The following PLCXD3 variants were observed in gnomAD, a reference collection of about 807,000 sequenced individuals.
The protein encoded by PLCXD3 is phosphatidylinositol specific phospholipase C X domain containing 3.
In PLCXD3, 19 loss-of-function variants were observed where a neutral mutation model predicts 25.5. The ratio of observed to expected loss-of-function variants is 0.75; its 90% CI spans 0.52 to 1.09. The LOEUF (loss-of-function observed/expected upper bound fraction) is 1.09, where lower values mean the gene tolerates loss of function less well. Among genes scored for constraint, PLCXD3 ranks in the 50% least tolerant of loss-of-function variants. The pLI, the probability that PLCXD3 is intolerant of heterozygous loss-of-function variation, is 0.00. For synonymous variants in PLCXD3, 174 were observed against 137.6 expected, an observed-to-expected ratio of 1.26 and a Z score of -1.85; for missense variants, 411 against 388.1, an observed-to-expected ratio of 1.06 and a Z score of -0.50.
chr5:41,331,367 T>C (rs1172503919), intron 2 of PLCXD3, among the ~76,000 whole-genome samples: 1 of 152,114 alleles, frequency 6.6e-6, no homozygotes, highest in Non-Finnish European at 1.5e-5. Context: ...ATAAAATACC[T>C]AGGAATCCAA....
At chr5:41,330,898 C>A (rs1743781775) in intron 2 of PLCXD3, among the ~76,000 whole-genome samples, 1 of 152,176 alleles carries the variant, frequency 6.6e-6, no homozygotes, top group Non-Finnish European at 1.5e-5. Context: ...TTCAACAACC[C>A]TTCATGCTAA....
intron 1 of PLCXD3, among the ~76,000 whole-genome samples, chr5:41,451,712 C>A (rs1181214977): frequency 6.6e-6 from 1 of 151,568 alleles, no homozygotes; most frequent in Non-Finnish European, 1.5e-5. Flanking sequence ...AACTCACCTA[C>A]TGAAAGACAT....
chr5:41,490,024 G>C (rs1748619364), intron 1 of PLCXD3, among the ~76,000 whole-genome samples: 1 of 151,876 alleles, frequency 6.6e-6, no homozygotes, highest in South Asian at 2.1e-4. Flanking sequence ...GTTTTCAAAG[G>C]GAATGCTTCC....
At chr5:41,456,818 A>G (rs1023477818) in intron 1 of PLCXD3, among the ~76,000 whole-genome samples, 1 of 151,864 alleles carries the variant, frequency 6.6e-6, no homozygotes, top group Non-Finnish European at 1.5e-5. Context: ...ACCAAACACC[A>G]AATCTGCCAG....
At chr5:41,392,979 T>G (rs890555037) in intron 1 of PLCXD3, among the ~76,000 whole-genome samples, 4 of 152,068 alleles carry the variant, frequency 2.6e-5, no homozygotes, top group African/African-American at 9.7e-5. Context: ...AATAAATAAC[T>G]AGTGAGTTTG....
At chr5:41,415,894 G>A (rs890327355) in intron 1 of PLCXD3, among the ~76,000 whole-genome samples, 2 of 152,130 alleles carry the variant, frequency 1.3e-5, no homozygotes, top group African/African-American at 4.8e-5. Context: ...TGTGTGGATA[G>A]GATGTAGGGA....
chr5:41,315,414 GA>G (rs59167185), intron 2 of PLCXD3, among the ~76,000 whole-genome samples: 1,967 of 142,470 alleles, frequency 0.014, 30 homozygotes, highest in African/African-American at 0.044. Flanking sequence ...ATGTTAAAGA[GA>G]AAAAAAAAAA....
intron 1 of PLCXD3, among the ~76,000 whole-genome samples, chr5:41,482,217 T>G (rs975705748): frequency 6.6e-6 from 1 of 152,144 alleles, no homozygotes; most frequent in Non-Finnish European, 1.5e-5. Context: ...TAATCTAGCT[T>G]GTTTATCTCC....
At chr5:41,428,722 TA>T (rs1294949870) in intron 1 of PLCXD3, among the ~76,000 whole-genome samples, 3 of 152,168 alleles carry the variant, frequency 2.0e-5, no homozygotes, top group African/African-American at 7.2e-5. Flanking sequence ...TTTCAACTTT[TA>T]AAATCAGTCC....
chr5:41,460,292 T>C (rs889543551), intron 1 of PLCXD3, among the ~76,000 whole-genome samples: 2 of 151,930 alleles, frequency 1.3e-5, no homozygotes, highest in African/African-American at 4.8e-5. Context: ...ATCCTTTACC[T>C]TTGATCCTGT....
chr5:41,460,000 T>A (rs140435692), intron 1 of PLCXD3, among the ~76,000 whole-genome samples: 1 of 152,014 alleles, frequency 6.6e-6, no homozygotes, highest in East Asian at 1.9e-4. Flanking sequence ...AACCACAGAT[T>A]AAGATCATGT....
At chr5:41,470,948 T>G (rs117880348) in intron 1 of PLCXD3, among the ~76,000 whole-genome samples, 1 of 152,100 alleles carries the variant, frequency 6.6e-6, no homozygotes, top group Non-Finnish European at 1.5e-5. Flanking sequence ...GTTAAAGTGA[T>G]GAAAACAAAT....
chr5:41,468,880 G>A (rs1748085688), intron 1 of PLCXD3, among the ~76,000 whole-genome samples: 1 of 151,822 alleles, frequency 6.6e-6, no homozygotes, highest in Non-Finnish European at 1.5e-5. Context: ...TCTTTCTTTT[G>A]CCTAATTCTT....
At position 41,407,083 on chromosome 5, in the gene PLCXD3, A is replaced by G. The variant is rs535420035; in HGVS notation, c.104-24549T>C. 4.2e-4 allele frequency among the ~76,000 whole-genome samples: 64 copies of G among 152,178 alleles called. 1 individual carries two copies. In the South Asian group the frequency reaches 4.8e-3, roughly 11 times the overall value. ...ACTGTCTTAAGAGTTCTAAGCTAGC[A>G]CCATTCCCTGTTGCCTTATATCAAA... is the stretch of plus-strand genomic sequence containing the variant. On this transcript the variant is annotated intron_variant, in intron 1 of 2. Transcript: ENST00000377801.
intron 1 of PLCXD3, among the ~76,000 whole-genome samples, chr5:41,438,217 T>G (rs1747300569): frequency 6.6e-6 from 1 of 152,194 alleles, no homozygotes; most frequent in South Asian, 2.1e-4. Flanking sequence ...TGCTCACTTT[T>G]AAGTGAAAAA....
chr5:41,390,828 C>T (rs1257291790), intron 1 of PLCXD3, among the ~76,000 whole-genome samples: 2 of 152,160 alleles, frequency 1.3e-5, no homozygotes, highest in Non-Finnish European at 2.9e-5. Context: ...ATAGAAAAAG[C>T]AGTGCTGAAT....
At chr5:41,424,942 C>A (rs2150506992) in intron 1 of PLCXD3, among the ~76,000 whole-genome samples, 1 of 152,202 alleles carries the variant, frequency 6.6e-6, no homozygotes, top group Non-Finnish European at 1.5e-5. Flanking sequence ...TGATCTAGCA[C>A]ACAATATGAG....
chr5:41,358,469 C>T (rs1390989761), intron 2 of PLCXD3, among the ~76,000 whole-genome samples: 1 of 152,124 alleles, frequency 6.6e-6, no homozygotes. Flanking sequence ...CGCTCTTTCC[C>T]CCAAGTCCTC....
chr5:41,490,072 T>C (rs1353453972), intron 1 of PLCXD3, among the ~76,000 whole-genome samples: 1 of 152,130 alleles, frequency 6.6e-6, no homozygotes, highest in Non-Finnish European at 1.5e-5. Context: ...GCTGTGGGTT[T>C]GTCATAGATA....
Sources: gnomAD v4.1 joint callset for allele counts (sites outside exome capture counted in the v4.1 genomes callset) on GRCh38, gnomAD v4.1.1 for gene constraint, MANE v1.5 for transcripts, NCBI Gene and HGNC (gene_info 2026-07-23, HGNC 2026-07-21) for gene names.